The following NKAIN2 variants were observed in gnomAD, a reference collection of about 807,000 sequenced individuals.
NKAIN2 encodes sodium/potassium-transporting ATPase subunit beta-1-interacting protein 2.
Under a neutral mutation model 32.6 loss-of-function variants are expected in NKAIN2, and 14 were observed. That is an observed-to-expected ratio of 0.43 (90% CI 0.28 to 0.67). The LOEUF (loss-of-function observed/expected upper bound fraction) is 0.67. Among genes scored for constraint, NKAIN2 ranks in the 30% least tolerant of loss-of-function variants. The probability of loss-of-function intolerance (pLI) is 0.17; values close to 1 mark genes in which losing one functional copy is unlikely to be tolerated. For missense variants in NKAIN2, 198 were observed against 258.3 expected, an observed-to-expected ratio of 0.77 and a Z score of 1.60; for synonymous variants, 80 against 87.2, an observed-to-expected ratio of 0.92 and a Z score of 0.46.
At chr6:124,297,794 A>C (rs1478252101) in intron 2 of NKAIN2, among the ~76,000 whole-genome samples, 3 of 151,712 alleles carry the variant, frequency 2.0e-5, no homozygotes, top group Non-Finnish European at 4.4e-5. Context: ...ATTTGGCAAG[A>C]AACCACCAGT....
intron 3 of NKAIN2, among the ~76,000 whole-genome samples, chr6:124,476,047 TGAGA>T (rs529640624): frequency 0.011 from 1,476 of 138,764 alleles, 21 homozygotes; most frequent in African/African-American, 0.036. Flanking sequence ...AGTGTGTGTG[TGAGA>T]GAGAGAGAGA....
intron 1 of NKAIN2, among the ~76,000 whole-genome samples, chr6:124,219,855 T>G (rs1331763732): frequency 1.3e-5 from 2 of 152,084 alleles, no homozygotes; most frequent in East Asian, 3.9e-4. Flanking sequence ...AGAGATATAC[T>G]AACAAATTAA....
In NKAIN2 at chr6:124,649,458, G is replaced by T. The variant is rs1276748255; in HGVS notation, c.274-8728G>T. ...ATAGGCTTTTATCTATTAAAAAATT[G>T]AATCAGCAATTATTAACTTTTTAAA... On this transcript the variant is annotated intron_variant, in intron 3 of 6. Transcript: ENST00000368417. 2.0e-5 allele frequency among the ~76,000 whole-genome samples: 3 copies of T among 152,076 alleles called. No individual in the cohort carries two copies. In the East Asian group the frequency reaches 5.8e-4, roughly 29 times the overall value.
chr6:124,034,275 C>G (rs1299925089), intron 1 of NKAIN2, among the ~76,000 whole-genome samples: 1 of 151,874 alleles, frequency 6.6e-6, no homozygotes, highest in Non-Finnish European at 1.5e-5. Context: ...TCAACTCTTG[C>G]CCTTCTCCCT....
rs1781549683 is a variant in NKAIN2, at chr6:124,825,526, TC to T, written c.*2299del. ...AATATTCAGAAGGCAAGGGTTATGA[TC>T]CTGATGTGTCCTTTTTTTTTGCATT... On this transcript the variant is annotated 3_prime_UTR_variant, in exon 7 of 7. Coordinates refer to ENST00000368417, the MANE Select transcript of NKAIN2 (RefSeq NM_001040214.3). The T allele has an allele frequency of 6.6e-6, 1 of 152,642 alleles. No homozygotes were observed. The allele number at this position is 152,642 out of a possible 1,614,324, so 9.5% of individuals were successfully genotyped here.
intron 4 of NKAIN2, among the ~76,000 whole-genome samples, chr6:124,674,396 A>G (rs1234692419): frequency 6.6e-6 from 1 of 152,094 alleles, no homozygotes; most frequent in East Asian, 1.9e-4. Flanking sequence ...TCTGCAAAAA[A>G]GAGCCATTGT....
chr6:124,031,216 A>G (rs143118878), intron 1 of NKAIN2, among the ~76,000 whole-genome samples: 10 of 152,248 alleles, frequency 6.6e-5, no homozygotes, highest in African/African-American at 2.4e-4. Flanking sequence ...TTCCACTCTG[A>G]TCTTCACTAA....
At chr6:124,704,074 G>C (rs1309601472) in intron 4 of NKAIN2, among the ~76,000 whole-genome samples, 6 of 151,236 alleles carry the variant, frequency 4.0e-5, no homozygotes, top group Non-Finnish European at 5.9e-5. Flanking sequence ...CGTTGGTGTA[G>C]ATCATGAGAA....
At chr6:123,844,164 A>C (rs575069572) in intron 1 of NKAIN2, among the ~76,000 whole-genome samples, 1 of 152,286 alleles carries the variant, frequency 6.6e-6, no homozygotes, top group South Asian at 2.1e-4. Flanking sequence ...CAGCATGCCA[A>C]AGTGCCATAC....
intron 1 of NKAIN2, among the ~76,000 whole-genome samples, chr6:123,821,284 T>G (rs999456198): frequency 2.0e-5 from 3 of 152,202 alleles, no homozygotes; most frequent in Non-Finnish European, 4.4e-5. Flanking sequence ...CTCCTTCATA[T>G]TGTCTCTCAC....
intron 4 of NKAIN2, among the ~76,000 whole-genome samples, chr6:124,725,133 T>G (rs1265808164): frequency 6.6e-6 from 1 of 152,232 alleles, no homozygotes; most frequent in Non-Finnish European, 1.5e-5. Flanking sequence ...AACCATCATG[T>G]TAAGTAGCTG....
At chr6:124,611,052 A>C (rs1782670013) in intron 3 of NKAIN2, among the ~76,000 whole-genome samples, 1 of 152,166 alleles carries the variant, frequency 6.6e-6, no homozygotes. Context: ...TTTAGAGAAC[A>C]CTTTTTTGTG....
chr6:124,589,667 T>G (rs904314246), intron 3 of NKAIN2, among the ~76,000 whole-genome samples: 1 of 152,184 alleles, frequency 6.6e-6, no homozygotes, highest in Non-Finnish European at 1.5e-5. Flanking sequence ...ATTAATTTTG[T>G]TTTTTTATTT....
In NKAIN2 at chr6:123,854,578, C is replaced by T. The variant is rs564740812; in HGVS notation, c.54+50324C>T. 5.3e-5 allele frequency among the ~76,000 whole-genome samples: 8 copies of T among 152,278 alleles called. 1 individual carries two copies. The South Asian group carries it at 1.7e-3, about 32-fold the overall frequency. On this transcript the variant is annotated intron_variant, in intron 1 of 6. Transcript: ENST00000368417. ...GTACTTTTATATGCCAGGTGCTGTG[C>T]CAAATGTTTCACATACGTTATTACA...
intron 5 of NKAIN2, among the ~76,000 whole-genome samples, chr6:124,802,214 G>C (rs545844897): frequency 2.6e-5 from 4 of 152,176 alleles, no homozygotes; most frequent in African/African-American, 9.6e-5. Flanking sequence ...CCCTAAATAT[G>C]CATATGTTAA....
At chr6:124,554,398 A>G (rs191540253) in intron 3 of NKAIN2, among the ~76,000 whole-genome samples, 1 of 152,208 alleles carries the variant, frequency 6.6e-6, no homozygotes, top group African/African-American at 2.4e-5. Context: ...TTTCAGTAAA[A>G]TGTTTATCAA....
intron 3 of NKAIN2, among the ~76,000 whole-genome samples, chr6:124,621,007 T>G (rs1398321664): frequency 6.6e-6 from 1 of 152,194 alleles, no homozygotes; most frequent in Non-Finnish European, 1.5e-5. Context: ...AAATCCTGTT[T>G]GTGTGTTAGT....
rs945591846 is a variant in NKAIN2 at position 124,378,257 on chromosome 6, T to G, written c.273+22910T>G. On this transcript the variant is annotated intron_variant, in intron 3 of 6. Transcript: ENST00000368417. ...ATGAAGTGGGCTTATTACTTATAGA[T>G]AGGCAGCAAGGGACAGCAAAAGCCT... 2.0e-5 allele frequency among the ~76,000 whole-genome samples: 3 copies of G among 152,144 alleles called. No individual in the cohort carries two copies. In the East Asian group the frequency reaches 5.8e-4, roughly 29 times the overall value.
intron 4 of NKAIN2, among the ~76,000 whole-genome samples, chr6:124,726,337 C>A (rs1253056471): frequency 6.6e-6 from 1 of 152,236 alleles, no homozygotes; most frequent in Non-Finnish European, 1.5e-5. Flanking sequence ...AGCAGTGGTT[C>A]TCCCAGCACA....
Sources: allele counts gnomAD v4.1 joint callset (sites outside exome capture counted in the v4.1 genomes callset), GRCh38; gene constraint gnomAD v4.1.1; transcripts MANE v1.5; gene names NCBI Gene and HGNC (gene_info 2026-07-23, HGNC 2026-07-21).